CRB1: variants seen among roughly 807,000 people sequenced by gnomAD.
CRB1 encodes protein crumbs homolog 1.
A neutral mutation model predicts 120.0 loss-of-function variants in CRB1; 83 were observed. The ratio of observed to expected loss-of-function variants is 0.69; its 90% CI spans 0.58 to 0.83. The LOEUF is 0.83. Among genes scored for constraint, CRB1 ranks in the 40% least tolerant of loss-of-function variants. CRB1 has a pLI of 0.00. For synonymous variants in CRB1, 625 were observed against 612.5 expected (o/e 1.02, Z -0.30); for missense variants, 1,699 against 1,687.6 (o/e 1.01, Z -0.12).
intron 1 of CRB1, among the ~76,000 whole-genome samples, chr1:197,287,207 C>T (rs2125230403): frequency 6.6e-6 from 1 of 151,880 alleles, no homozygotes; most frequent in Middle Eastern, 3.4e-3. Flanking sequence ...TAATAAAGGG[C>T]TTAGTTTGAT....
At chr1:197,237,488 A>G in the CRB1 span, among the ~76,000 whole-genome samples, 1 of 152,152 alleles carries the variant, frequency 6.6e-6, no homozygotes, top group Admixed American at 6.6e-5. Flanking sequence ...ACCTCTTAAT[A>G]TTATTACTGT....
At chr1:197,214,919 C>T in the CRB1 span, among the ~76,000 whole-genome samples, 2 of 150,726 alleles carry the variant, frequency 1.3e-5, no homozygotes, top group African/African-American at 4.9e-5. Context: ...AACATAGATA[C>T]AAAAATCGTA....
At chr1:197,391,538 T>C (rs1473365433) in intron 5 of CRB1, among the ~76,000 whole-genome samples, 1 of 152,132 alleles carries the variant, frequency 6.6e-6, no homozygotes, top group Non-Finnish European at 1.5e-5. Flanking sequence ...AAAATGTTTG[T>C]AGTTGCCTTG....
rs1230642379 is a variant in CRB1 at position 197,477,664 on chromosome 1, T to C, written c.4006T>C (p.Leu1336=). The C allele has an allele frequency of 6.2e-7, 1 of 1,613,526 alleles. No individual in the cohort carries two copies. Among genetic ancestry groups the C allele is most frequent in the Non-Finnish European group, 8.5e-7 (1 of 1,179,512 alleles). ...ATCCCAATGATTTCAATCTTTCCAG[T>C]TGGCAGATGACTTGATCTCCGACAT... The part of the protein sequence containing the change: ...AFAGERCEVD[L]ADDLISDIFT... The change falls in exon 12 of 12, where the codon TTG becomes CTG. Residue 1336 remains leucine (L), a splice_region_variant and synonymous_variant. Transcript: ENST00000367400.
the CRB1 span, among the ~76,000 whole-genome samples, chr1:197,245,419 C>A: frequency 6.6e-6 from 1 of 151,996 alleles, no homozygotes; most frequent in South Asian, 2.1e-4. Flanking sequence ...ATCACTTAGG[C>A]CCAGGAGTTT....
intron 1 of CRB1, among the ~76,000 whole-genome samples, chr1:197,274,505 A>C (rs887819265): frequency 1.3e-5 from 2 of 152,190 alleles, no homozygotes; most frequent in Non-Finnish European, 2.9e-5. Context: ...GACTCTTTGT[A>C]CTGTAAAATT....
intron 11 of CRB1, among the ~76,000 whole-genome samples, chr1:197,460,015 T>TTTTTC (rs1666454102): frequency 6.8e-6 from 1 of 147,174 alleles, no homozygotes; most frequent in Non-Finnish European, 1.5e-5. Context: ...TTTTTTTTTT[T>TTTTTC]TTTTTTTTAC....
chr1:197,306,676 G>A (rs1202441372), intron 1 of CRB1, among the ~76,000 whole-genome samples: 1 of 152,100 alleles, frequency 6.6e-6, no homozygotes, highest in African/African-American at 2.4e-5. Context: ...TCAAAGAAGA[G>A]AGAAAAATTG....
chr1:197,442,433 T>C (rs748156585), intron 11 of CRB1, 141 bp downstream of exon 11: 3 of 1,577,166 alleles, frequency 1.9e-6, no homozygotes, highest in Admixed American at 3.7e-5. Flanking sequence ...CATTTGAACA[T>C]TCCCAAATGA....
At position 197,435,514 on chromosome 1, in the gene CRB1, C is replaced by T. The variant is rs372850945; in HGVS notation, c.3651C>T (p.Asn1217=). The T allele has an allele frequency of 1.2e-6, 2 of 1,611,882 alleles. No individual in the cohort carries two copies. Among genetic ancestry groups the T allele is most frequent in the Admixed American group, 3.3e-5 (2 of 59,858 alleles). The change falls in exon 9 of 12, where the codon AAC becomes AAT. Residue 1217 remains asparagine (N), a synonymous_variant. Transcript: ENST00000367400. ...TGAACTGTGAAGTGGATATAGACAACTGCCAGAGTCACCAGTGTGCAAATG... is the reference window on the plus strand; with the variant it reads ...TGAACTGTGAAGTGGATATAGACAATTGCCAGAGTCACCAGTGTGCAAATG... ...TGVNCEVDID[N]CQSHQCANGA...
At chr1:197,392,080 T>C (rs1490183243) in intron 5 of CRB1, among the ~76,000 whole-genome samples, 1 of 151,906 alleles carries the variant, frequency 6.6e-6, no homozygotes, top group Non-Finnish European at 1.5e-5. Flanking sequence ...GTCTAAATCC[T>C]AGGGAAAAGG....
chr1:197,310,089 T>G (rs1457106641), intron 1 of CRB1, among the ~76,000 whole-genome samples: 1 of 152,198 alleles, frequency 6.6e-6, no homozygotes, highest in Non-Finnish European at 1.5e-5. Context: ...GTATGATGTT[T>G]ATAAACATTT....
chr1:197,205,068 C>T, the CRB1 span, among the ~76,000 whole-genome samples: 1 of 152,166 alleles, frequency 6.6e-6, no homozygotes, highest in African/African-American at 2.4e-5. Context: ...AGCTTGGACG[C>T]TGTTGGTGTA....
chr1:197,415,631 TTTTTC>T (rs1663946115), intron 5 of CRB1, among the ~76,000 whole-genome samples: 5 of 138,540 alleles, frequency 3.6e-5, no homozygotes, highest in Admixed American at 2.4e-4. Flanking sequence ...TTCTTTTTCT[TTTTTC>T]TTTTCTTTTT....
rs2125354193 is a variant in CRB1, at chr1:197,356,812, C to T, written c.989-19C>T. The T allele has an allele frequency of 6.2e-7, 1 of 1,613,990 alleles. No homozygotes were observed. Among genetic ancestry groups the T allele is most frequent in the East Asian group, 2.2e-5 (1 of 44,874 alleles). ...CAACACCTTTGACTTAGCAGCTTCT[C>T]TGAATTTTCATCATGCAGGATACAC... On this transcript the variant is annotated intron_variant, in intron 4 of 11. Transcript: ENST00000367400.
At chr1:197,311,711 GT>G (rs1657534103) in intron 1 of CRB1, among the ~76,000 whole-genome samples, 1 of 145,560 alleles carries the variant, frequency 6.9e-6, no homozygotes, top group Non-Finnish European at 1.5e-5. Context: ...GTGTGTGTGT[GT>G]GTGTGTGTGT....
chr1:197,281,642 C>T (rs1382017519), intron 1 of CRB1, among the ~76,000 whole-genome samples: 1 of 151,868 alleles, frequency 6.6e-6, no homozygotes, highest in African/African-American at 2.4e-5. Context: ...AGACCTCAAA[C>T]AGCGTGGTCC....
chr1:197,387,881 T>C (rs1338934019), intron 5 of CRB1, among the ~76,000 whole-genome samples: 1 of 151,976 alleles, frequency 6.6e-6, no homozygotes, highest in African/African-American at 2.4e-5. Context: ...ATGTAATATA[T>C]TAGCAGATTC....
intron 1 of CRB1, among the ~76,000 whole-genome samples, chr1:197,291,850 G>A (rs1043313440): frequency 7.9e-5 from 12 of 151,798 alleles, no homozygotes; most frequent in African/African-American, 2.9e-4. Flanking sequence ...AGGAAGGCTT[G>A]CATTTAAGTT....
Sources: gnomAD v4.1 joint callset for allele counts (sites outside exome capture counted in the v4.1 genomes callset) on GRCh38, gnomAD v4.1.1 for gene constraint, MANE v1.5 for transcripts, NCBI Gene and HGNC (gene_info 2026-07-23, HGNC 2026-07-21) for gene names.